The following PRKAR1A variants were observed in gnomAD, a reference collection of about 807,000 sequenced individuals.
PRKAR1A encodes cAMP-dependent protein kinase type I-alpha regulatory subunit.
Under a neutral mutation model 52.0 loss-of-function variants are expected in PRKAR1A, and 3 were observed. The observed-to-expected ratio is 0.06, with a 90% CI of 0.03 to 0.15. The LOEUF (loss-of-function observed/expected upper bound fraction) is 0.15, where lower values mean the gene tolerates loss of function less well. PRKAR1A is among the 10% of genes least tolerant of loss of function. PRKAR1A has a pLI of 1.00. For synonymous variants in PRKAR1A, 188 were observed against 168.4 expected (o/e 1.12, Z -0.90); for missense variants, 240 against 477.4 (o/e 0.50, Z 4.63).
At chr17:68,510,844 A>G (rs1390625695), upstream of PRKAR1A, among the ~76,000 whole-genome samples, 4 of 152,210 alleles carry the variant, frequency 2.6e-5, no homozygotes, top group Non-Finnish European at 4.4e-5. Context: ...AGTGAATAAC[A>G]TAACTAAATA....
At chr17:68,429,985 A>G in the PRKAR1A span, 3 of 1,613,886 alleles carry the variant, frequency 1.9e-6, no homozygotes, top group Non-Finnish European at 2.5e-6. Context: ...AGTGGGTGTC[A>G]TTGTACGTAC....
At position 68,515,432 on chromosome 17, in the gene PRKAR1A, G is replaced by C. The variant is rs2085400700; in HGVS notation, c.33G>C (p.Glu11Asp). The stretch of plus-strand genomic sequence containing the variant: ...CTGGCAGTACCGCCGCCAGTGAGGA[G>C]GCACGCAGCCTTCGAGAATGTGAGC... MESGSTAASE[E>D]ARSLRECELY... Residue 11 changes from glutamate (E) to aspartate (D), a missense_variant, in exon 2 of 11, where the codon GAG becomes GAC. Physicochemically the swap from Glu to Asp is conservative, Grantham distance 45. Transcript: ENST00000589228. 1 of 1,613,524 alleles carries C rather than the reference G, an allele frequency of 6.2e-7. No individual in the cohort carries two copies. Among genetic ancestry groups the C allele is most frequent in the African/African-American group, 1.3e-5 (1 of 75,030 alleles).
intron 11 of PRKAR1A, among the ~76,000 whole-genome samples, chr17:68,546,346 G>C (rs1464675116): frequency 6.6e-6 from 1 of 151,736 alleles, no homozygotes; most frequent in Non-Finnish European, 1.5e-5. Context: ...TCATCCATGG[G>C]GATTGAGATC....
the PRKAR1A span, among the ~76,000 whole-genome samples, chr17:68,438,123 C>G: frequency 6.6e-6 from 1 of 152,114 alleles, no homozygotes; most frequent in Non-Finnish European, 1.5e-5. Context: ...GAGTTGGAAC[C>G]TAGGTCTCAT....
chr17:68,531,540 G>A lies in PRKAR1A; in HGVS notation c.*1091G>A, dbSNP rs1414609916. ...ACTGGGGCATGAGATTTTGGAAGAA[G>A]TTTTTTACTTTGGTTTAGTCTTTTT... On this transcript the variant is annotated 3_prime_UTR_variant, in exon 11 of 11. Coordinates refer to ENST00000589228, the MANE Select transcript of PRKAR1A (RefSeq NM_002734.5). 2 of 1,066,320 alleles carry A rather than the reference G, an allele frequency of 1.9e-6. No individual in the cohort carries two copies. The highest frequency in any genetic ancestry group is 2.3e-6 in the Non-Finnish European group (2 of 879,612). 66.1% of individuals were successfully genotyped at this position (1,066,320 alleles called of 1,614,324 possible). A position where few individuals can be genotyped will look rare whatever the true frequency, so the allele number is the denominator to read the frequency against.
At chr17:68,419,168 CA>C in the PRKAR1A span, among the ~76,000 whole-genome samples, 2 of 152,254 alleles carry the variant, frequency 1.3e-5, no homozygotes, top group South Asian at 4.1e-4. Flanking sequence ...TGAAATGACT[CA>C]CCTGCCTTTC....
Position 68,516,524 on chromosome 17 carries a change from A to G in PRKAR1A, c.177+948A>G, listed in dbSNP as rs904961892. On this transcript the variant is annotated intron_variant, in intron 2 of 10. Transcript: ENST00000589228. Reference sequence around the variant, plus strand: ...AAAGAAATGAATCATTTCTTTTGGTATATGATTATCTAATTGTATAATAGA... The same window carrying G: ...AAAGAAATGAATCATTTCTTTTGGTGTATGATTATCTAATTGTATAATAGA... 1.1e-4 allele frequency among the ~76,000 whole-genome samples: 17 copies of G among 152,200 alleles called. 1 individual carries two copies. The highest frequency in any genetic ancestry group is 2.6e-4 in the Admixed American group (4 of 15,284).
chr17:68,516,574 G>C (rs1272880685), intron 2 of PRKAR1A, among the ~76,000 whole-genome samples: 1 of 151,782 alleles, frequency 6.6e-6, no homozygotes, highest in South Asian at 2.1e-4. Context: ...TTTTCCATTG[G>C]TTTTTATAGT....
chr17:68,458,764 T>A, the PRKAR1A span, among the ~76,000 whole-genome samples: 1 of 152,248 alleles, frequency 6.6e-6, no homozygotes, highest in African/African-American at 2.4e-5. Flanking sequence ...GTATAACTGC[T>A]GATGGATTTT....
chr17:68,454,058 G>C, the PRKAR1A span, among the ~76,000 whole-genome samples: 1 of 152,186 alleles, frequency 6.6e-6, no homozygotes, highest in East Asian at 1.9e-4. Flanking sequence ...CAATCAAAGT[G>C]CCTCTTAAAA....
At chr17:68,421,959 C>G in the PRKAR1A span, 2 of 999,822 alleles carry the variant, frequency 2.0e-6, no homozygotes, top group East Asian at 2.4e-5. Flanking sequence ...TGAACTCGCT[C>G]ATGGCCACAG....
In PRKAR1A at chr17:68,522,793, G is replaced by A. The variant is rs2143272667; in HGVS notation, c.215G>A (p.Gly72Asp). The change falls in exon 3 of 11, where the codon GGC (glycine) becomes GAC (aspartate). Residue 72 changes from glycine to aspartate, a missense_variant. Physicochemically the swap from Gly to Asp is moderately conservative, Grantham distance 94 (BLOSUM62 -1). This residue lies in a region of PRKAR1A where 107 missense variants were observed against 114.6 expected (regional missense o/e 0.93). Transcript: ENST00000589228. ...CAGATTCAGAATCTGCAGAAAGCAG[G>A]CACTCGTACAGACTCAAGGGAGGAT... ...AKQIQNLQKA[G>D]TRTDSREDEI... 2 of 1,614,086 alleles carry A rather than the reference G, an allele frequency of 1.2e-6. No individual in the cohort carries two copies. Among genetic ancestry groups the A allele is most frequent in the African/African-American group, 1.3e-5 (1 of 75,020 alleles).
At chr17:68,499,738 G>A in the PRKAR1A span, among the ~76,000 whole-genome samples, 2 of 152,242 alleles carry the variant, frequency 1.3e-5, no homozygotes, top group Non-Finnish European at 2.9e-5. Context: ...GATTGCCACC[G>A]TGCTATAGAG....
At chr17:68,536,324 C>T (rs1290757912), downstream of PRKAR1A, 2 of 453,902 alleles carry the variant, frequency 4.4e-6, no homozygotes, top group African/African-American at 2.0e-5. Flanking sequence ...TGTTGACTGA[C>T]TAGTCACTCC....
chr17:68,510,159 CAG>C (rs35144524), upstream of PRKAR1A, among the ~76,000 whole-genome samples: 17,918 of 127,400 alleles, frequency 0.14, 1,189 homozygotes, highest in Middle Eastern at 0.2. Context: ...TATATGTAGA[CAG>C]AGAGAGAGAG....
chr17:68,477,124 A>G, the PRKAR1A span, among the ~76,000 whole-genome samples: 1 of 152,212 alleles, frequency 6.6e-6, no homozygotes, highest in African/African-American at 2.4e-5. Flanking sequence ...CTTCAGTCAT[A>G]TAGTAATTTT....
At chr17:68,550,882 G>T (rs1328120587) in intron 11 of PRKAR1A, among the ~76,000 whole-genome samples, 3 of 152,230 alleles carry the variant, frequency 2.0e-5, no homozygotes, top group Non-Finnish European at 2.9e-5. Context: ...AAGCAGTTGG[G>T]ACTGAAACTC....
At chr17:68,495,056 T>C in the PRKAR1A span, among the ~76,000 whole-genome samples, 2 of 152,190 alleles carry the variant, frequency 1.3e-5, no homozygotes, top group African/African-American at 4.8e-5. Context: ...GGCTCTTTTT[T>C]TTGAGACTGG....
At chr17:68,474,688 G>A in the PRKAR1A span, among the ~76,000 whole-genome samples, 3 of 152,166 alleles carry the variant, frequency 2.0e-5, no homozygotes, top group African/African-American at 4.8e-5. Flanking sequence ...GAGGTCAGGA[G>A]ATCGAGACCA....
Sources: allele counts gnomAD v4.1 joint callset (sites outside exome capture counted in the v4.1 genomes callset), GRCh38; gene constraint gnomAD v4.1.1; regional missense constraint gnomAD v4.1.1; transcripts MANE v1.5; gene names NCBI Gene and HGNC (gene_info 2026-07-23, HGNC 2026-07-21).